HSF5: variants seen among roughly 807,000 people sequenced by gnomAD.
HSF5 encodes the protein heat shock factor protein 5.
Under a neutral mutation model 50.8 loss-of-function variants are expected in HSF5, and 5 were observed. That is an observed-to-expected ratio of 0.10 (90% CI 0.05 to 0.21). The LOEUF (loss-of-function observed/expected upper bound fraction) is 0.21. Ranked by LOEUF, HSF5 falls within the 10% of genes least tolerant of loss-of-function variation. The pLI, the probability that HSF5 is intolerant of heterozygous loss-of-function variation, is 1.00. For missense variants in HSF5, 564 were observed against 762.6 expected, an observed-to-expected ratio of 0.74 and a Z score of 3.07; for synonymous variants, 307 against 307.4, an observed-to-expected ratio of 1.00 and a Z score of 0.02.
At chr17:58,475,627 A>C (rs1363585397) in intron 2 of HSF5, among the ~76,000 whole-genome samples, 1 of 151,850 alleles carries the variant, frequency 6.6e-6, no homozygotes, top group African/African-American at 2.4e-5. Flanking sequence ...TCTCAAACCC[A>C]CCCTTTGGTG....
chr17:58,484,638 G>T (rs1975144047), intron 1 of HSF5, among the ~76,000 whole-genome samples: 1 of 151,380 alleles, frequency 6.6e-6, no homozygotes, highest in South Asian at 2.1e-4. Flanking sequence ...GTATGCCATG[G>T]TATTGTCTCC....
At chr17:58,476,991 A>G in intron 2 of HSF5, 1 of 603,312 alleles carries the variant, frequency 1.7e-6, no homozygotes. Context: ...AGGGAAGGCT[A>G]AGGGAACAGG....
intron 5 of HSF5, among the ~76,000 whole-genome samples, chr17:58,434,921 G>A (rs1006495684): frequency 7.9e-5 from 12 of 152,216 alleles, no homozygotes; most frequent in African/African-American, 2.9e-4. Context: ...TAGGTCCTAA[G>A]TCTGTGAGTA....
chr17:58,453,743 G>A (rs1324494077), intron 5 of HSF5, among the ~76,000 whole-genome samples: 1 of 151,942 alleles, frequency 6.6e-6, no homozygotes, highest in Admixed American at 6.6e-5. Flanking sequence ...ACAAAATCAA[G>A]GATGAAAACC....
At chr17:58,470,105 T>C (rs571858770) in intron 2 of HSF5, among the ~76,000 whole-genome samples, 23 of 152,196 alleles carry the variant, frequency 1.5e-4, no homozygotes, top group Non-Finnish European at 1.9e-4. Context: ...CAAGATAAGT[T>C]CCTATGGCAA....
chr17:58,433,711 C>T (rs928214828), intron 5 of HSF5, among the ~76,000 whole-genome samples: 4 of 152,068 alleles, frequency 2.6e-5, no homozygotes, highest in Admixed American at 1.3e-4. Flanking sequence ...AAGTAAAATA[C>T]GGACTGATAA....
At chr17:58,427,699 AT>A (rs1351740127) in intron 5 of HSF5, among the ~76,000 whole-genome samples, 3 of 152,238 alleles carry the variant, frequency 2.0e-5, no homozygotes, top group African/African-American at 7.2e-5. Context: ...GATAAAAAAC[AT>A]TTGGTCATCT....
At chr17:58,475,541 A>G (rs2680710) in intron 2 of HSF5, among the ~76,000 whole-genome samples, 129,814 of 152,234 alleles carry the variant, frequency 0.85, 55,709 homozygotes, top group East Asian at 1. Flanking sequence ...TGCAAAGGAT[A>G]TCTGTCAAAT....
chr17:58,471,032 G>C (rs1271011574), intron 2 of HSF5, among the ~76,000 whole-genome samples: 1 of 152,030 alleles, frequency 6.6e-6, no homozygotes, highest in Non-Finnish European at 1.5e-5. Flanking sequence ...TGGTTGCTAG[G>C]GACAACCTCT....
At chr17:58,439,136 AT>A (rs1015364705) in intron 5 of HSF5, among the ~76,000 whole-genome samples, 23 of 151,780 alleles carry the variant, frequency 1.5e-4, no homozygotes, top group African/African-American at 4.8e-4. Context: ...CAAAAAAAAA[AT>A]AATAATAAAT....
intron 5 of HSF5, among the ~76,000 whole-genome samples, chr17:58,437,003 C>G (rs1422807547): frequency 6.6e-6 from 1 of 152,238 alleles, no homozygotes; most frequent in Admixed American, 6.5e-5. Context: ...ATATTTCTGT[C>G]GGTATTTCTG....
At chr17:58,459,877 C>G (rs1345526323) in intron 4 of HSF5, among the ~76,000 whole-genome samples, 1 of 152,082 alleles carries the variant, frequency 6.6e-6, no homozygotes, top group Non-Finnish European at 1.5e-5. Flanking sequence ...GTTGGAATGG[C>G]CATAGGCATG....
chr17:58,432,395 G>A (rs1311525432), intron 5 of HSF5, among the ~76,000 whole-genome samples: 1 of 152,180 alleles, frequency 6.6e-6, no homozygotes, highest in African/African-American at 2.4e-5. Flanking sequence ...CATTTCAGAT[G>A]GCATGGTCAG....
intron 5 of HSF5, among the ~76,000 whole-genome samples, chr17:58,436,733 G>C (rs1974431290): frequency 6.6e-6 from 1 of 151,894 alleles, no homozygotes; most frequent in Non-Finnish European, 1.5e-5. Context: ...TGGGAAAAAT[G>C]ACGCCTTAAA....
In HSF5 at chr17:58,472,010, T is replaced by A. The variant is rs181110582; in HGVS notation, c.926-5031A>T. Among the ~76,000 whole-genome samples, 154 of 152,182 alleles carry A rather than the reference T, an allele frequency of 1.0e-3. No homozygotes were observed. In the Middle Eastern group the frequency reaches 0.01, roughly 10 times the overall value. ...CTGGGACTACAGGTGTGCGCCACCA[T>A]GCCTGGCTAATTTTTTTTGGATTTT... On this transcript the variant is annotated intron_variant, in intron 2 of 5. Coordinates refer to ENST00000323777, the MANE Select transcript of HSF5 (RefSeq NM_001080439.3).
intron 5 of HSF5, among the ~76,000 whole-genome samples, chr17:58,434,195 G>T (rs1018027405): frequency 2.6e-5 from 4 of 152,022 alleles, no homozygotes; most frequent in African/African-American, 9.7e-5. Flanking sequence ...TTACAGGCGT[G>T]AGCCACTGTG....
At chr17:58,455,021 C>T (rs1418082553) in intron 5 of HSF5, among the ~76,000 whole-genome samples, 2 of 152,132 alleles carry the variant, frequency 1.3e-5, no homozygotes, top group Admixed American at 1.3e-4. Context: ...ACAGCCAAAG[C>T]AATCCTGAGC....
intron 5 of HSF5, among the ~76,000 whole-genome samples, chr17:58,432,871 G>A (rs1974382291): frequency 6.6e-6 from 1 of 152,148 alleles, no homozygotes; most frequent in East Asian, 1.9e-4. Flanking sequence ...TAAAGGAGGT[G>A]AGAAATGGTC....
chr17:58,480,298 A>G, intron 1 of HSF5, 31 bp from the exon 2 acceptor site: 1 of 1,558,902 alleles, frequency 6.4e-7, no homozygotes, highest in Non-Finnish European at 8.7e-7. Context: ...ACATTTACTA[A>G]TTTTGCATTA....
Sources: gnomAD v4.1 joint callset for allele counts (sites outside exome capture counted in the v4.1 genomes callset) on GRCh38, gnomAD v4.1.1 for gene constraint, MANE v1.5 for transcripts, NCBI Gene and HGNC (gene_info 2026-07-23, HGNC 2026-07-21) for gene names.